Variants in RNF157 observed in about 807,000 individuals in gnomAD.
RNF157 encodes the protein E3 ubiquitin ligase RNF157.
In RNF157, 55 loss-of-function variants were observed where a neutral mutation model predicts 88.3. The observed-to-expected ratio is 0.62, with a 90% CI of 0.50 to 0.78. RNF157 has a LOEUF of 0.78. Ranked by LOEUF, RNF157 falls within the 30% of genes least tolerant of loss-of-function variation. RNF157 has a pLI of 0.00. For synonymous variants in RNF157, 334 were observed against 341.2 expected, an observed-to-expected ratio of 0.98 and a Z score of 0.23; for missense variants, 788 against 860.8, an observed-to-expected ratio of 0.92 and a Z score of 1.06.
At chr17:76,233,823 ATACC>A (rs2070235779) in intron 1 of RNF157, among the ~76,000 whole-genome samples, 1 of 152,218 alleles carries the variant, frequency 6.6e-6, no homozygotes, top group Non-Finnish European at 1.5e-5. Context: ...ATGAGTCACC[ATACC>A]CAGCCCCATT....
chr17:76,198,351 G>T (rs1234707322), intron 2 of RNF157, among the ~76,000 whole-genome samples: 5 of 152,166 alleles, frequency 3.3e-5, no homozygotes, highest in Admixed American at 3.3e-4. Context: ...TGGGGGAGGG[G>T]GGTTCTTGGG....
chr17:76,149,836 C>T (rs765957714), intron 18 of RNF157, among the ~76,000 whole-genome samples: 4 of 152,092 alleles, frequency 2.6e-5, no homozygotes, highest in Admixed American at 6.5e-5. Context: ...GAGTTCAAGA[C>T]CACCCTGACC....
In RNF157 at chr17:76,146,437, C is replaced by A; in HGVS notation, c.1922-1084G>T. On this transcript the variant is annotated intron_variant, in intron 18 of 18. Transcript: ENST00000269391. The surrounding 1 kb of genome is among the most constrained non-coding windows in gnomAD (Gnocchi z 4.2). ...TTCATCTCCTGCCCACAGATGAGCT[C>A]CTCCCTCCAGTGCCCTCCCTCCAGT... The A allele has an allele frequency of 4.1e-6, 4 of 985,540 alleles. No homozygotes were observed. The highest frequency in any genetic ancestry group is 4.8e-6 in the Non-Finnish European group (4 of 829,994). The allele number at this position is 985,540 out of a possible 1,614,324, so 61.0% of individuals were successfully genotyped here.
chr17:76,215,176 G>C (rs1364311297), intron 1 of RNF157, among the ~76,000 whole-genome samples: 1 of 152,144 alleles, frequency 6.6e-6, no homozygotes, highest in African/African-American at 2.4e-5. Context: ...GGGTGTGATG[G>C]ATCTTGCCTG....
intron 1 of RNF157, 139 bp from the exon 2 acceptor site, chr17:76,212,621 G>C: frequency 1.7e-6 from 1 of 587,004 alleles, no homozygotes; most frequent in Non-Finnish European, 3.0e-6. Context: ...CAGCACTTTG[G>C]GAGGCTGAGG....
chr17:76,203,926 C>T (rs2069633327), intron 2 of RNF157, among the ~76,000 whole-genome samples: 1 of 151,884 alleles, frequency 6.6e-6, no homozygotes, highest in South Asian at 2.1e-4. Context: ...CGCCACCATG[C>T]TCGGCTAATT....
intron 1 of RNF157, chr17:76,226,347 C>A: frequency 1.3e-6 from 2 of 1,599,360 alleles, no homozygotes; most frequent in Middle Eastern, 3.3e-4. Context: ...AAGGGGGCAA[C>A]CTGGTCGGGT....
chr17:76,172,178 A>G (rs1048956093), intron 3 of RNF157, among the ~76,000 whole-genome samples: 5 of 152,166 alleles, frequency 3.3e-5, no homozygotes, highest in Non-Finnish European at 7.4e-5. Flanking sequence ...ATAAAAAATT[A>G]AGAGAGAGAA....
At chr17:76,155,938 G>C (rs2068756158) in intron 14 of RNF157, among the ~76,000 whole-genome samples, 1 of 152,202 alleles carries the variant, frequency 6.6e-6, no homozygotes, top group Non-Finnish European at 1.5e-5. Context: ...CAGCCTTGGG[G>C]ACAAGACATT....
At chr17:76,215,018 C>T (rs1179675227) in intron 1 of RNF157, among the ~76,000 whole-genome samples, 3 of 152,152 alleles carry the variant, frequency 2.0e-5, no homozygotes, top group Non-Finnish European at 2.9e-5. Context: ...CATAATATAC[C>T]TTTATCAACA....
intron 18 of RNF157, among the ~76,000 whole-genome samples, chr17:76,149,358 G>A (rs2068637915): frequency 6.6e-6 from 1 of 151,916 alleles, no homozygotes; most frequent in South Asian, 2.1e-4. Flanking sequence ...GAAGGGAGTG[G>A]CACCCACTTG....
intron 2 of RNF157, among the ~76,000 whole-genome samples, chr17:76,201,323 C>T (rs865910528): frequency 3.4e-5 from 2 of 59,668 alleles, no homozygotes; most frequent in Admixed American, 4.0e-4. Context: ...CTAGTCTCTA[C>T]AAAAAAAAAA....
chr17:76,210,401 T>A (rs867107613), intron 2 of RNF157, among the ~76,000 whole-genome samples: 1 of 151,424 alleles, frequency 6.6e-6, no homozygotes, highest in Non-Finnish European at 1.5e-5. Context: ...CCATCCTGGC[T>A]AACACAGTGA....
At chr17:76,233,265 T>A (rs1193416933) in intron 1 of RNF157, among the ~76,000 whole-genome samples, 1 of 152,136 alleles carries the variant, frequency 6.6e-6, no homozygotes, top group East Asian at 1.9e-4. Context: ...TAATATTGAG[T>A]TGTAAGAGTT....
intron 1 of RNF157, among the ~76,000 whole-genome samples, chr17:76,228,632 A>G (rs1366803118): frequency 1.3e-5 from 2 of 152,166 alleles, no homozygotes. Context: ...CTTACTAACC[A>G]GTCACTTGGG....
chr17:76,166,436 CAA>C lies in RNF157; in HGVS notation c.628+23_628+24del, dbSNP rs764504618. On this transcript the variant is annotated intron_variant, in intron 6 of 18. Transcript: ENST00000269391. ...GCCACAAAAGAGCAGTGTGCACAGC[CAA>C]AGAGGACAGAAATCGCCCCTACCGT... 3.1e-5 allele frequency: 50 copies of C among 1,603,342 alleles called. No individual in the cohort carries two copies. In the African/African-American group the frequency reaches 6.4e-4, roughly 21 times the overall value.
At chr17:76,189,184 G>C (rs896556502) in intron 2 of RNF157, among the ~76,000 whole-genome samples, 1 of 152,168 alleles carries the variant, frequency 6.6e-6, no homozygotes, top group Non-Finnish European at 1.5e-5. Flanking sequence ...ATAAAGTCTA[G>C]TTTTAAAAAT....
Position 76,183,022 on chromosome 17 carries a change from C to T in RNF157, c.208-9232G>A, listed in dbSNP as rs192724375. On this transcript the variant is annotated intron_variant, in intron 2 of 18. Coordinates refer to ENST00000269391, the MANE Select transcript of RNF157 (RefSeq NM_052916.3). ...TTGGCTCACTGCAACCTCCGCCTCC[C>T]GGGTTCAAGCGATTCTCCTGCCTCA... 5.2e-4 allele frequency among the ~76,000 whole-genome samples: 79 copies of T among 152,014 alleles called. 1 individual carries two copies. In the East Asian group the frequency reaches 6.6e-3, roughly 13 times the overall value.
At position 76,202,711 on chromosome 17, in the gene RNF157, T is replaced by C. The variant is rs2069606456; in HGVS notation, c.207+9653A>G. The C allele has an allele frequency of 2.5e-5, 4 of 162,724 alleles. No individual in the cohort carries two copies. In the South Asian group the frequency reaches 5.0e-4, roughly 20 times the overall value. The allele number at this position is 162,724 out of a possible 1,614,324, so 10.1% of individuals were successfully genotyped here. A position where few individuals can be genotyped will look rare whatever the true frequency, so the allele number is the denominator to read the frequency against. On this transcript the variant is annotated intron_variant, in intron 2 of 18. Coordinates refer to ENST00000269391, the MANE Select transcript of RNF157 (RefSeq NM_052916.3). ...TGGAGGAAGCAGCTCAGCCTTGGCA[T>C]AGTACCAAAAAGTGGCCAATCGAGG... is the stretch of plus-strand genomic sequence containing the variant.
Sources: gnomAD v4.1 joint callset for allele counts (sites outside exome capture counted in the v4.1 genomes callset) on GRCh38, gnomAD v4.1.1 for gene constraint, Gnocchi (gnomAD v3.1) non-coding constraint, MANE v1.5 for transcripts, NCBI Gene and HGNC (gene_info 2026-07-23, HGNC 2026-07-21) for gene names.